SYNE1: variants seen among roughly 807,000 people sequenced by gnomAD.
SYNE1 encodes spectrin repeat containing nuclear envelope protein 1, also known as nesprin-1.
In SYNE1, 616 loss-of-function variants were observed where a neutral mutation model predicts 1,111.0. The ratio of observed to expected loss-of-function variants is 0.55; its 90% CI spans 0.52 to 0.59. The LOEUF (loss-of-function observed/expected upper bound fraction) is 0.59, where lower values mean the gene tolerates loss of function less well. Among genes scored for constraint, SYNE1 ranks in the 20% least tolerant of loss-of-function variants. The pLI is 0.00. For synonymous variants in SYNE1, 3,855 were observed against 3,825.8 expected (o/e 1.01, Z -0.28); for missense variants, 10,006 against 10,417.0 (o/e 0.96, Z 1.72).
At chr6:152,450,110 C>T (rs1168375471) in intron 27 of SYNE1, among the ~76,000 whole-genome samples, 1 of 152,204 alleles carries the variant, frequency 6.6e-6, no homozygotes, top group East Asian at 1.9e-4. Context: ...ATCATGGGGG[C>T]AGTTACCCCG....
intron 32 of SYNE1, among the ~76,000 whole-genome samples, chr6:152,437,712 G>C (rs986989428): frequency 2.0e-5 from 3 of 151,888 alleles, no homozygotes; most frequent in Non-Finnish European, 2.9e-5. Flanking sequence ...AAATGTACTT[G>C]GTATCTCACT....
At chr6:152,600,380 A>T (rs1583202937) in intron 3 of SYNE1, among the ~76,000 whole-genome samples, 1 of 152,090 alleles carries the variant, frequency 6.6e-6, no homozygotes, top group Non-Finnish European at 1.5e-5. Context: ...AAGGGTGATA[A>T]TTTTTTTTAA....
intron 55 of SYNE1, among the ~76,000 whole-genome samples, chr6:152,385,251 C>T (rs1177515471): frequency 6.6e-6 from 1 of 152,158 alleles, no homozygotes; most frequent in Non-Finnish European, 1.5e-5. Context: ...CTTTGAAGTA[C>T]TCCCTTCTAT....
intron 141 of SYNE1, among the ~76,000 whole-genome samples, chr6:152,136,226 C>G (rs1182222231): frequency 1.3e-5 from 2 of 152,152 alleles, no homozygotes; most frequent in Non-Finnish European, 2.9e-5. Flanking sequence ...GGACGCCCAG[C>G]AAGTAATTAC....
Position 152,157,510 on chromosome 6 carries a change from A to G in SYNE1, c.23791-1413T>C, listed in dbSNP as rs181243786. On this transcript the variant is annotated intron_variant, in intron 131 of 145. Coordinates refer to ENST00000367255, the MANE Select transcript of SYNE1 (RefSeq NM_182961.4). ...AAGTCTTAATGTTCGATAGAGTAGA[A>G]TGACTATAGTTAACAACAATGTACT... Among the ~76,000 whole-genome samples, 11 of 152,316 alleles carry G rather than the reference A, an allele frequency of 7.2e-5. No individual in the cohort carries two copies. The East Asian group carries it at 2.1e-3, about 29-fold the overall frequency.
chr6:152,534,282 C>A (rs1039072235), intron 4 of SYNE1, among the ~76,000 whole-genome samples: 1 of 151,934 alleles, frequency 6.6e-6, no homozygotes, highest in Non-Finnish European at 1.5e-5. Context: ...GTTTATTAGT[C>A]TGCATAAACT....
Position 152,519,997 on chromosome 6 carries a change from C to T in SYNE1, c.309+462G>A, listed in dbSNP as rs75493058. 2.0e-5 allele frequency among the ~76,000 whole-genome samples: 3 copies of T among 152,072 alleles called. No homozygotes were observed. In the East Asian group the frequency reaches 5.8e-4, roughly 29 times the overall value. On this transcript the variant is annotated intron_variant, in intron 6 of 145. Coordinates refer to ENST00000367255, the MANE Select transcript of SYNE1 (RefSeq NM_182961.4). ...CAAACTGAAATTGAGAGACATTATG[C>T]AAAATAACTGACCAGCAGTTATCAA...
At chr6:152,337,587 C>T (rs1017289698) in intron 75 of SYNE1, among the ~76,000 whole-genome samples, 4 of 152,190 alleles carry the variant, frequency 2.6e-5, no homozygotes, top group Admixed American at 6.5e-5. Flanking sequence ...CTGCGCCCAG[C>T]GAAACTCTAA....
At chr6:152,518,872 A>T (rs1386438454) in intron 6 of SYNE1, among the ~76,000 whole-genome samples, 1 of 149,384 alleles carries the variant, frequency 6.7e-6, no homozygotes, top group African/African-American at 2.4e-5. Flanking sequence ...AGAGAGAGAG[A>T]GGAGAGAGAG....
At chr6:152,537,121 A>T (rs1403539418) in intron 4 of SYNE1, among the ~76,000 whole-genome samples, 1 of 152,158 alleles carries the variant, frequency 6.6e-6, no homozygotes, top group African/African-American at 2.4e-5. Context: ...TTTCTTCTTG[A>T]AAAGTGAGAA....
chr6:152,396,927 T>C lies in SYNE1; in HGVS notation c.7404A>G (p.Gln2468=), dbSNP rs1563691115. The change falls in exon 50 of 146, where the codon CAA becomes CAG. Residue 2468 remains glutamine (Q), a synonymous_variant. Transcript: ENST00000367255. ...DGQSKLDAVT[Q]EGQTLYAHLS... ...AATGTGCATACAAAGTTTGTCCTTC[T>C]TGAGTCACTGCATCAAGTTTGCTCT... is the stretch of plus-strand genomic sequence containing the variant. The C allele has an allele frequency of 6.2e-7, 1 of 1,614,120 alleles. No homozygotes were observed. Among genetic ancestry groups the C allele is most frequent in the Non-Finnish European group, 8.5e-7 (1 of 1,180,046 alleles).
intron 63 of SYNE1, among the ~76,000 whole-genome samples, chr6:152,362,668 G>C (rs1225087989): frequency 6.6e-6 from 1 of 152,114 alleles, no homozygotes; most frequent in East Asian, 1.9e-4. Context: ...CAAAGCTCTG[G>C]GCAGGGAGAG....
Position 152,195,371 on chromosome 6 carries a change from C to T in SYNE1, c.23146-5964G>A, listed in dbSNP as rs76584379. Among the ~76,000 whole-genome samples the T allele has an allele frequency of 3.7e-3, 571 of 152,288 alleles. 4 individuals carry two copies. The highest frequency in any genetic ancestry group is 0.013 in the African/African-American group (556 of 41,566). On this transcript the variant is annotated intron_variant, in intron 127 of 145. Transcript: ENST00000367255. ...GCTTGCAGATGTTTGCTGGTGTCTT[C>T]GTATTGAAGAATTAGGTATTTATTG...
chr6:152,459,784 A>G (rs1427987507), intron 21 of SYNE1, among the ~76,000 whole-genome samples: 3 of 152,236 alleles, frequency 2.0e-5, no homozygotes, highest in Non-Finnish European at 2.9e-5. Context: ...TTTTTCATAT[A>G]GTATAAAGAC....
Position 152,604,952 on chromosome 6 carries a change from GAAAGAAAGAAAGA to G in SYNE1, c.67+23300_67+23312del, listed in dbSNP as rs2099607677. Reference sequence around the variant, plus strand: ...AGTGAGACCCTATCTCACAAAGAAAGAAAGAAAGAAAGAAAGAAAGAAAGAAAGAAAGAAAGAA... The same window carrying G: ...AGTGAGACCCTATCTCACAAAGAAAGAAGAAAGAAAGAAAGAAAGAAAGAA... On this transcript the variant is annotated intron_variant, in intron 3 of 145. Coordinates refer to ENST00000367255, the MANE Select transcript of SYNE1 (RefSeq NM_182961.4). Among the ~76,000 whole-genome samples the G allele has an allele frequency of 3.4e-4, 5 of 14,830 alleles. No individual in the cohort carries two copies. The Admixed American group carries it at 4.7e-3, about 14-fold the overall frequency. 9.7% of individuals were successfully genotyped at this position (14,830 alleles called of 152,430 possible). A position where few individuals can be genotyped will look rare whatever the true frequency, so the allele number is the denominator to read the frequency against.
intron 59 of SYNE1, 72 bp downstream of exon 59, chr6:152,372,965 A>G (rs147075610): frequency 5.8e-6 from 9 of 1,540,448 alleles, no homozygotes; most frequent in Admixed American, 3.3e-5. Flanking sequence ...ATATACAGAA[A>G]CTGTGATTTC....
chr6:152,256,097 A>AAAAAT (rs536718862), intron 102 of SYNE1, among the ~76,000 whole-genome samples: 2 of 150,014 alleles, frequency 1.3e-5, no homozygotes, highest in Admixed American at 6.6e-5. Flanking sequence ...AGACTCTGAA[A>AAAAAT]AAAATAAAAT....
chr6:152,188,928 A>C (rs2071091094), intron 128 of SYNE1, among the ~76,000 whole-genome samples: 1 of 127,904 alleles, frequency 7.8e-6, no homozygotes, highest in African/African-American at 2.9e-5. Flanking sequence ...ACTGCACTCC[A>C]GCCTGGGCAA....
intron 84 of SYNE1, among the ~76,000 whole-genome samples, chr6:152,320,880 C>T (rs550216369): frequency 1.2e-4 from 18 of 152,300 alleles, no homozygotes; most frequent in East Asian, 5.8e-4. Context: ...ACTTAACTGA[C>T]ATTTTGTTGC....
Sources: allele counts gnomAD v4.1 joint callset (sites outside exome capture counted in the v4.1 genomes callset), GRCh38; gene constraint gnomAD v4.1.1; transcripts MANE v1.5; gene names NCBI Gene and HGNC (gene_info 2026-07-23, HGNC 2026-07-21).